The following ZSWIM6 variants were observed in gnomAD, a reference collection of about 807,000 sequenced individuals.
The protein encoded by ZSWIM6 is zinc finger SWIM domain-containing protein 6.
ZSWIM6 carries 9 observed loss-of-function variants against 113.2 expected under a neutral mutation model. The observed-to-expected ratio is 0.08, with a 90% CI of 0.05 to 0.14. The LOEUF (loss-of-function observed/expected upper bound fraction) is 0.14, where lower values mean the gene tolerates loss of function less well. Ranked by LOEUF, ZSWIM6 falls within the 10% of genes least tolerant of loss-of-function variation. ZSWIM6 has a pLI of 1.00. For missense variants in ZSWIM6, 1,162 were observed against 1,552.2 expected (o/e 0.75, Z 4.22); for synonymous variants, 611 against 606.5 (o/e 1.01, Z -0.11).
chr5:61,456,133 T>C (rs536251448), intron 1 of ZSWIM6, among the ~76,000 whole-genome samples: 56 of 152,228 alleles, frequency 3.7e-4, no homozygotes, highest in African/African-American at 1.3e-3. Flanking sequence ...TATATCATTA[T>C]AGGGCTGTCA....
intron 4 of ZSWIM6, among the ~76,000 whole-genome samples, chr5:61,505,527 G>C (rs1276548215): frequency 6.6e-6 from 1 of 151,992 alleles, no homozygotes; most frequent in Non-Finnish European, 1.5e-5. Context: ...CTACATATCA[G>C]ATAAGGGCCA....
intron 1 of ZSWIM6, among the ~76,000 whole-genome samples, chr5:61,419,117 C>T (rs144447061): frequency 2.6e-3 from 392 of 152,362 alleles, no homozygotes; most frequent in African/African-American, 9.0e-3. Context: ...CCACCACGCC[C>T]GGCCTCCTCT....
chr5:61,495,847 A>G (rs1394588111), intron 4 of ZSWIM6, among the ~76,000 whole-genome samples: 3 of 152,164 alleles, frequency 2.0e-5, no homozygotes, highest in Non-Finnish European at 2.9e-5. Context: ...AACTATAATG[A>G]AGGGGATCAT....
chr5:61,415,991 C>G (rs1292779587), intron 1 of ZSWIM6, among the ~76,000 whole-genome samples: 1 of 152,202 alleles, frequency 6.6e-6, no homozygotes, highest in Non-Finnish European at 1.5e-5. Flanking sequence ...TCTGATGTTA[C>G]TATAAAACCA....
chr5:61,443,839 A>G (rs957164388), intron 1 of ZSWIM6, among the ~76,000 whole-genome samples: 1 of 152,188 alleles, frequency 6.6e-6, no homozygotes, highest in African/African-American at 2.4e-5. Flanking sequence ...TATTTGAAAG[A>G]GAAAACCAAT....
intron 1 of ZSWIM6, among the ~76,000 whole-genome samples, chr5:61,452,385 G>T (rs60766336): frequency 6.6e-6 from 1 of 152,140 alleles, no homozygotes; most frequent in African/African-American, 2.4e-5. Flanking sequence ...ACATTATTTT[G>T]CATGTCTCTT....
At chr5:61,338,859 C>CT (rs1744464098) in intron 1 of ZSWIM6, among the ~76,000 whole-genome samples, 1 of 152,090 alleles carries the variant, frequency 6.6e-6, no homozygotes, top group Non-Finnish European at 1.5e-5. Flanking sequence ...AGACTGATGC[C>CT]TGCCTTTTTA....
At chr5:61,345,463 A>G (rs1462163043) in intron 1 of ZSWIM6, among the ~76,000 whole-genome samples, 1 of 152,172 alleles carries the variant, frequency 6.6e-6, no homozygotes, top group African/African-American at 2.4e-5. Flanking sequence ...AATATGTTGT[A>G]TTTGTTCTTG....
intron 13 of ZSWIM6, among the ~76,000 whole-genome samples, chr5:61,542,725 A>G (rs904312370): frequency 1.3e-5 from 2 of 152,212 alleles, no homozygotes; most frequent in Non-Finnish European, 2.9e-5. Context: ...TTATCTTTAC[A>G]TCATTAAAGT....
Position 61,375,043 on chromosome 5 carries a change from A to G in ZSWIM6, c.676+42095A>G, listed in dbSNP as rs1009043322. On this transcript the variant is annotated intron_variant, in intron 1 of 13. Transcript: ENST00000252744. ...AATGAGAGGTGGGACCAAGTCTATA[A>G]GATATTAAAGGGTAAGTCTCTCCGG... is the stretch of plus-strand genomic sequence containing the variant. 7 of 1,395,414 alleles carry G rather than the reference A, an allele frequency of 5.0e-6. No homozygotes were observed. The Admixed American group carries it at 7.1e-5, about 14-fold the overall frequency. 86.4% of individuals were successfully genotyped at this position (1,395,414 alleles called of 1,614,324 possible). A position where few individuals can be genotyped will look rare whatever the true frequency, so the allele number is the denominator to read the frequency against.
chr5:61,494,223 T>C (rs1748262143), intron 3 of ZSWIM6, 37 bp from the exon 4 acceptor site: 6 of 1,543,014 alleles, frequency 3.9e-6, no homozygotes, highest in Non-Finnish European at 5.3e-6. Flanking sequence ...TGTTTTCGTT[T>C]TGAACAATTT....
chr5:61,488,062 T>C (rs1162444198), intron 2 of ZSWIM6, among the ~76,000 whole-genome samples: 1 of 152,110 alleles, frequency 6.6e-6, no homozygotes, highest in South Asian at 2.1e-4. Context: ...ATGCCTAGTT[T>C]GCTGAGGGTT....
At chr5:61,521,559 C>A in intron 5 of ZSWIM6, 117 bp downstream of exon 5, 1 of 747,948 alleles carries the variant, frequency 1.3e-6, no homozygotes. Context: ...GAACTTACAA[C>A]TCCAGTACTT....
intron 1 of ZSWIM6, among the ~76,000 whole-genome samples, chr5:61,338,393 A>T (rs900254714): frequency 6.6e-6 from 1 of 152,218 alleles, no homozygotes; most frequent in African/African-American, 2.4e-5. Context: ...GAATAATTTT[A>T]TGTCAGATCC....
chr5:61,506,769 C>T (rs1748632551), intron 4 of ZSWIM6, among the ~76,000 whole-genome samples: 1 of 152,080 alleles, frequency 6.6e-6, no homozygotes, highest in Non-Finnish European at 1.5e-5. Flanking sequence ...TTAGGCATTT[C>T]ATGGCCTCTA....
intron 2 of ZSWIM6, among the ~76,000 whole-genome samples, chr5:61,484,520 A>G (rs954193094): frequency 4.6e-5 from 7 of 152,216 alleles, no homozygotes; most frequent in Non-Finnish European, 1.0e-4. Flanking sequence ...TCAAGATTCT[A>G]TAGTTGTTTG....
intron 1 of ZSWIM6, among the ~76,000 whole-genome samples, chr5:61,339,511 G>C (rs1251754199): frequency 6.6e-6 from 1 of 151,336 alleles, no homozygotes; most frequent in Non-Finnish European, 1.5e-5. Context: ...AAATAAATTT[G>C]GTACCTTTAT....
At chr5:61,489,013 A>G (rs1748105444) in intron 2 of ZSWIM6, among the ~76,000 whole-genome samples, 1 of 151,982 alleles carries the variant, frequency 6.6e-6, no homozygotes. Flanking sequence ...CTCTTTGCCA[A>G]CCAAGGCACT....
Position 61,472,590 on chromosome 5 carries a change from T to C in ZSWIM6, c.677-91T>C. ...GGCTGTCATATTTTTTTCTTGCTGC[T>C]GTCAAGTCCCACACATTTCAAAGAA... On this transcript the variant is annotated intron_variant, in intron 1 of 13. Coordinates refer to ENST00000252744, the MANE Select transcript of ZSWIM6 (RefSeq NM_020928.2). This position sits in a 1 kb window ranked among gnomAD's most constrained non-coding sequence, Gnocchi z 4.1. The C allele has an allele frequency of 9.8e-7, 1 of 1,023,510 alleles. No homozygotes were observed. Among genetic ancestry groups the C allele is most frequent in the Non-Finnish European group, 1.4e-6 (1 of 738,084 alleles). The allele number at this position is 1,023,510 out of a possible 1,614,324, so 63.4% of individuals were successfully genotyped here.
Sources: allele counts gnomAD v4.1 joint callset (sites outside exome capture counted in the v4.1 genomes callset), GRCh38; gene constraint gnomAD v4.1.1; non-coding constraint Gnocchi (gnomAD v3.1); transcripts MANE v1.5; gene names NCBI Gene and HGNC (gene_info 2026-07-23, HGNC 2026-07-21).